LMF1: variants seen among roughly 807,000 people sequenced by gnomAD.
The protein encoded by LMF1 is transmembrane protein 112.
In LMF1, 68 loss-of-function variants were observed where a neutral mutation model predicts 60.6. The observed-to-expected ratio is 1.12, with a 90% CI of 0.92 to 1.37. The LOEUF (loss-of-function observed/expected upper bound fraction) is 1.37. Ranked by LOEUF, LMF1 falls within the 40% of genes most tolerant of loss-of-function variation. The probability of loss-of-function intolerance (pLI) is 0.00; values close to 1 mark genes in which losing one functional copy is unlikely to be tolerated. For missense variants in LMF1, 948 were observed against 767.2 expected (o/e 1.24, Z -2.78); for synonymous variants, 418 against 324.7 (o/e 1.29, Z -3.09).
intron 3 of LMF1, among the ~76,000 whole-genome samples, chr16:913,447 C>G (rs890426412): frequency 6.6e-6 from 1 of 152,270 alleles, no homozygotes; most frequent in Non-Finnish European, 1.5e-5. Flanking sequence ...GGACAGGGTG[C>G]GACACCCAAC....
In LMF1 at chr16:954,566, G is replaced by A. The variant is rs573417370; in HGVS notation, c.294C>T (p.Phe98=). 141 of 1,613,262 alleles carry A rather than the reference G, an allele frequency of 8.7e-5. 2 individuals carry two copies. The Middle Eastern group carries it at 4.1e-3, about 47-fold the overall frequency. Residue 98 remains phenylalanine (F), a synonymous_variant, in exon 2 of 11, where the codon TTC becomes TTT. Transcript: ENST00000262301. Reference sequence around the variant, plus strand: ...AGACTTCCCAGCTCGTCCTGTCCTGGAAGTACTGCTGGAAGTTCTTCAGGA... The same window carrying A: ...AGACTTCCCAGCTCGTCCTGTCCTGAAAGTACTGCTGGAAGTTCTTCAGGA... ...RVFLKNFQQY[F]QDRTSWEVFS...
At chr16:865,116 G>T (rs1159795967) in intron 10 of LMF1, among the ~76,000 whole-genome samples, 1 of 152,144 alleles carries the variant, frequency 6.6e-6, no homozygotes, top group Non-Finnish European at 1.5e-5. Flanking sequence ...AGTATAGGTT[G>T]TTTTTTACTG....
chr16:958,488 A>G (rs1449716972), intron 1 of LMF1, among the ~76,000 whole-genome samples: 1 of 152,240 alleles, frequency 6.6e-6, no homozygotes, highest in East Asian at 1.9e-4. Flanking sequence ...ATGGCAAATA[A>G]CACGTGAAAA....
At chr16:967,477 T>C (rs2072948753) in intron 1 of LMF1, among the ~76,000 whole-genome samples, 1 of 152,208 alleles carries the variant, frequency 6.6e-6, no homozygotes, top group African/African-American at 2.4e-5. Flanking sequence ...CAGGCCTGAC[T>C]GCAGGAGGCA....
At chr16:926,160 G>C (rs1210299566) in intron 3 of LMF1, among the ~76,000 whole-genome samples, 1 of 152,112 alleles carries the variant, frequency 6.6e-6, no homozygotes. Context: ...GTTTGCATAT[G>C]TGCATACGCG....
intron 6 of LMF1, among the ~76,000 whole-genome samples, chr16:876,212 A>G (rs1261578330): frequency 6.6e-6 from 1 of 152,252 alleles, no homozygotes; most frequent in East Asian, 1.9e-4. Context: ...TGGAGCCTGC[A>G]GGAGGTGCAG....
chr16:977,331 C>G (rs890131889), intron 1 of LMF1, among the ~76,000 whole-genome samples: 2 of 152,190 alleles, frequency 1.3e-5, no homozygotes, highest in Non-Finnish European at 2.9e-5. Context: ...AGCTGACTCC[C>G]GAAGGGGGTC....
At chr16:976,209 G>A (rs2516061) in intron 1 of LMF1, 121,507 of 447,640 alleles carry the variant, frequency 0.27, 18,350 homozygotes, top group African/African-American at 0.47. Context: ...CTGGGGGCTG[G>A]GGCCCAGGGC....
In LMF1 at chr16:911,083, A is replaced by C; in HGVS notation, c.515-4T>G. 6.2e-7 allele frequency: 1 copy of C among 1,610,006 alleles called. No homozygotes were observed. Among genetic ancestry groups the C allele is most frequent in the Non-Finnish European group, 8.5e-7 (1 of 1,178,528 alleles). On this transcript the variant is annotated splice_polypyrimidine_tract_variant and splice_region_variant and intron_variant, in intron 3 of 10. Coordinates refer to ENST00000262301, the MANE Select transcript of LMF1 (RefSeq NM_022773.4). ...TCCAGAAGCTGGGACTCCCATCCTAAAACAACGAGACATACCAAAGGTGAG... is the reference window on the plus strand; with the variant it reads ...TCCAGAAGCTGGGACTCCCATCCTACAACAACGAGACATACCAAAGGTGAG...
intron 9 of LMF1, 40 bp downstream of exon 9, chr16:869,843 T>TA: frequency 6.3e-7 from 1 of 1,588,510 alleles, no homozygotes; most frequent in Admixed American, 1.7e-5. Flanking sequence ...GAGGGTGGGG[T>TA]ACAGGCAGGT....
chr16:871,524 G>A, intron 6 of LMF1, 183 bp from the exon 7 acceptor site: 1 of 621,070 alleles, frequency 1.6e-6, no homozygotes. Flanking sequence ...GACAGCAGAT[G>A]CCTCAGAGGT....
In LMF1 at chr16:970,946, GC is replaced by G; in HGVS notation, c.34del (p.Ala12ArgfsTer4). 6.5e-7 allele frequency: 1 copy of G among 1,543,440 alleles called. No individual in the cohort carries two copies. Among genetic ancestry groups the G allele is most frequent in the East Asian group, 2.5e-5 (1 of 39,536 alleles). On this transcript the variant is annotated frameshift_variant, in exon 1 of 11. Coordinates refer to ENST00000262301, the MANE Select transcript of LMF1 (RefSeq NM_022773.4). LOFTEE classifies it high-confidence loss of function. Reference protein sequence around the residue: ...RPDSPTMAAPAESLRRRKTGY... With the variant: ...RPDSPTMAAPXESLRRRKTGY... ...AGTCTTCCGCCTCCTCAGCGACTCC[GC>G]GGGCGCCGCCATTGTTGGGCTGTCA... is the stretch of plus-strand genomic sequence containing the variant.
chr16:857,115 C>T (rs1411719750), intron 10 of LMF1, among the ~76,000 whole-genome samples: 1 of 152,272 alleles, frequency 6.6e-6, no homozygotes, highest in Non-Finnish European at 1.5e-5. Flanking sequence ...CTCCTCGTCG[C>T]TGACCGGCGT....
intron 2 of LMF1, among the ~76,000 whole-genome samples, chr16:937,174 A>G (rs901023625): frequency 6.6e-6 from 1 of 152,226 alleles, no homozygotes; most frequent in Non-Finnish European, 1.5e-5. Context: ...CTGCCTGATA[A>G]AAGAATCTTT....
chr16:963,069 G>A (rs2072846067), intron 1 of LMF1, among the ~76,000 whole-genome samples: 3 of 152,176 alleles, frequency 2.0e-5, no homozygotes, highest in Admixed American at 6.5e-5. Flanking sequence ...GATGGACACA[G>A]GGTAAACAAA....
intron 6 of LMF1, among the ~76,000 whole-genome samples, chr16:876,449 G>A (rs970098066): frequency 6.6e-6 from 1 of 152,196 alleles, no homozygotes; most frequent in Non-Finnish European, 1.5e-5. Context: ...TGGCTCTCCT[G>A]TCAGCCGGGA....
At chr16:909,954 T>A (rs2071066147) in intron 4 of LMF1, among the ~76,000 whole-genome samples, 1 of 152,268 alleles carries the variant, frequency 6.6e-6, no homozygotes, top group African/African-American at 2.4e-5. Flanking sequence ...CAACTCTTCG[T>A]ACGTCTTCAG....
chr16:924,101 ACAAT>A (rs146654475), intron 3 of LMF1, among the ~76,000 whole-genome samples: 1,854 of 152,346 alleles, frequency 0.012, 22 homozygotes, highest in South Asian at 0.096. Context: ...TAATGTAAAG[ACAAT>A]CAAACTAATA....
At chr16:858,831 CACGGGACGGG>C (rs2069309518) in intron 10 of LMF1, among the ~76,000 whole-genome samples, 2 of 80,430 alleles carry the variant, frequency 2.5e-5, no homozygotes, top group Non-Finnish European at 2.3e-5. Context: ...TGAGTGGTGT[CACGGGACGGG>C]TGTGAGTGGT....
Sources: gnomAD v4.1 joint callset for allele counts (sites outside exome capture counted in the v4.1 genomes callset) on GRCh38, gnomAD v4.1.1 for gene constraint, MANE v1.5 for transcripts, NCBI Gene and HGNC (gene_info 2026-07-23, HGNC 2026-07-21) for gene names.